ANK3: variants seen among roughly 807,000 people sequenced by gnomAD.
The protein encoded by ANK3 is ankyrin-3.
In ANK3, 57 loss-of-function variants were observed where a neutral mutation model predicts 370.9. The observed-to-expected ratio is 0.15, with a 90% CI of 0.12 to 0.19. ANK3 has a LOEUF of 0.19. Among genes scored for constraint, ANK3 ranks in the 10% least tolerant of loss-of-function variants. The pLI is 1.00. For missense variants in ANK3, 4,439 were observed against 5,302.1 expected, an observed-to-expected ratio of 0.84 and a Z score of 5.06; for synonymous variants, 1,929 against 1,946.3, an observed-to-expected ratio of 0.99 and a Z score of 0.23.
intron 27 of ANK3, among the ~76,000 whole-genome samples, chr10:60,106,675 T>A (rs2092216363): frequency 6.6e-6 from 1 of 152,214 alleles, no homozygotes. Flanking sequence ...TACTTACACT[T>A]TCTGTAAAAG....
Position 60,072,656 on chromosome 10 carries a change from C to T in ANK3, c.8225G>A (p.Gly2742Asp), listed in dbSNP as rs769478307. 9.9e-6 allele frequency: 16 copies of T among 1,613,936 alleles called. No individual in the cohort carries two copies. The highest frequency in any genetic ancestry group is 2.2e-5 in the South Asian group (2 of 91,072). ...TTTTTTAACTGGGATTCTGGACTGG[C>T]CATCTGACTTTCTGTCTTCTTGAGA... Reference protein sequence around the residue: ...DMSQEDRKSDGQSRIPVKKIQ... With the variant: ...DMSQEDRKSDDQSRIPVKKIQ... The change falls in exon 37 of 44, where the codon GGC becomes GAC. Residue 2742 changes from glycine (G) to aspartate (D), a missense_variant. Gly to Asp is a moderately conservative substitution (Grantham distance 94). Around this residue, in one of 13 missense-constraint regions of ANK3, gnomAD observed 1,601 missense variants for 1,731.7 expected, o/e 0.92. Transcript: ENST00000280772.
chr10:60,501,713 AAAAAAAAAAAG>A (rs1476063061), intron 2 of ANK3, among the ~76,000 whole-genome samples: 3 of 151,636 alleles, frequency 2.0e-5, no homozygotes, highest in Non-Finnish European at 2.9e-5. Flanking sequence ...CTCAAAAAAA[AAAAAAAAAAAG>A]AAAAGAAAAA....
At chr10:60,145,867 C>A (rs546441605) in intron 23 of ANK3, 4 of 674,004 alleles carry the variant, frequency 5.9e-6, no homozygotes, top group Non-Finnish European at 1.1e-5. Flanking sequence ...CAGAACCTGG[C>A]ACATAGTAGG....
chr10:60,332,107 A>C (rs2051496045), intron 1 of ANK3, among the ~76,000 whole-genome samples: 1 of 152,206 alleles, frequency 6.6e-6, no homozygotes, highest in African/African-American at 2.4e-5. Context: ...TCAGCAAAAA[A>C]GGACATCAGC....
chr10:60,711,513 C>A (rs1440775653), intron 1 of ANK3, among the ~76,000 whole-genome samples: 1 of 151,638 alleles, frequency 6.6e-6, no homozygotes, highest in Admixed American at 6.6e-5. Flanking sequence ...GTAGAAACTT[C>A]CCAAAATAAA....
chr10:60,369,298 AAC>A (rs750560842), intron 1 of ANK3, among the ~76,000 whole-genome samples: 5 of 152,194 alleles, frequency 3.3e-5, no homozygotes, highest in Admixed American at 6.5e-5. Flanking sequence ...CATTACCATA[AAC>A]AGTTTATTGT....
chr10:60,441,400 A>G (rs2064296449), intron 2 of ANK3, among the ~76,000 whole-genome samples: 1 of 152,186 alleles, frequency 6.6e-6, no homozygotes, highest in Non-Finnish European at 1.5e-5. Flanking sequence ...GAACTAATAT[A>G]TAATAAAACC....
intron 40 of ANK3, chr10:60,060,455 A>G (rs1166069486): frequency 6.6e-6 from 1 of 152,532 alleles, no homozygotes; most frequent in Non-Finnish European, 1.5e-5. Flanking sequence ...TTAATTACCT[A>G]CAACTTTTAT....
At chr10:60,261,586 C>T (rs75960516) in intron 7 of ANK3, among the ~76,000 whole-genome samples, 5,157 of 152,258 alleles carry the variant, frequency 0.034, 285 homozygotes, top group African/African-American at 0.12. Flanking sequence ...TCCCCAGCCA[C>T]GATTCCTTGA....
At chr10:60,447,871 T>C (rs2064491646) in intron 2 of ANK3, among the ~76,000 whole-genome samples, 1 of 152,182 alleles carries the variant, frequency 6.6e-6, no homozygotes, top group Non-Finnish European at 1.5e-5. Flanking sequence ...TAAGGGGTTG[T>C]GACCGATAAT....
chr10:60,103,774 A>C (rs1219584705), intron 28 of ANK3, among the ~76,000 whole-genome samples: 3 of 152,180 alleles, frequency 2.0e-5, no homozygotes, highest in African/African-American at 7.2e-5. Flanking sequence ...ATTGTCTAAA[A>C]TGGAACCAAA....
intron 2 of ANK3, among the ~76,000 whole-genome samples, chr10:60,441,696 G>T (rs577332642): frequency 6.6e-6 from 1 of 152,180 alleles, no homozygotes; most frequent in Admixed American, 6.5e-5. Flanking sequence ...CATTTGTTTT[G>T]TTGCTATTCA....
intron 28 of ANK3, among the ~76,000 whole-genome samples, chr10:60,092,193 T>G (rs2088722577): frequency 6.6e-6 from 1 of 152,104 alleles, no homozygotes. Context: ...GTTTTACCTA[T>G]TAACAAAATA....
At chr10:60,293,363 A>T (rs1293522952) in intron 1 of ANK3, among the ~76,000 whole-genome samples, 1 of 152,238 alleles carries the variant, frequency 6.6e-6, no homozygotes, top group Non-Finnish European at 1.5e-5. Flanking sequence ...TGGTAAGCAA[A>T]GATAGAGTAA....
chr10:60,732,847 G>C (rs1452370834), intron 1 of ANK3, among the ~76,000 whole-genome samples: 1 of 152,006 alleles, frequency 6.6e-6, no homozygotes, highest in South Asian at 2.1e-4. Flanking sequence ...CCTTAGGAAA[G>C]GTTCAGCCTG....
In ANK3 at chr10:60,330,914, C is replaced by T. The variant is rs981542274; in HGVS notation, c.115-51275G>A. 6.6e-5 allele frequency among the ~76,000 whole-genome samples: 10 copies of T among 152,246 alleles called. No individual in the cohort carries two copies. In the South Asian group the frequency reaches 1.4e-3, roughly 22 times the overall value. On this transcript the variant is annotated intron_variant, in intron 1 of 43. Coordinates refer to ENST00000280772, the MANE Select transcript of ANK3 (RefSeq NM_020987.5). ...GGATGAAGAAAATGTGGCACATATA[C>T]CCCATGGAATACTGTGCAGCCATAA... is the stretch of plus-strand genomic sequence containing the variant.
chr10:60,241,097 G>C (rs371791567), intron 7 of ANK3, among the ~76,000 whole-genome samples: 1 of 152,094 alleles, frequency 6.6e-6, no homozygotes, highest in African/African-American at 2.4e-5. Flanking sequence ...GCCCCAGAGA[G>C]GTTTAACTTA....
chr10:60,040,044 G>A (rs1354161796), intron 43 of ANK3, among the ~76,000 whole-genome samples: 1 of 152,040 alleles, frequency 6.6e-6, no homozygotes, highest in Admixed American at 6.6e-5. Flanking sequence ...CTTGTTGGAA[G>A]GATTAAATAA....
intron 25 of ANK3, among the ~76,000 whole-genome samples, chr10:60,119,278 C>T (rs1392941874): frequency 6.6e-6 from 1 of 152,192 alleles, no homozygotes; most frequent in Non-Finnish European, 1.5e-5. Flanking sequence ...TACATAGATA[C>T]TGAATTGGTA....
Sources: allele counts gnomAD v4.1 joint callset (sites outside exome capture counted in the v4.1 genomes callset), GRCh38; gene constraint gnomAD v4.1.1; regional missense constraint gnomAD v4.1.1; transcripts MANE v1.5; gene names NCBI Gene and HGNC (gene_info 2026-07-23, HGNC 2026-07-21).